The following DPP6 variants were observed in gnomAD, a reference collection of about 807,000 sequenced individuals.
The protein encoded by DPP6 is A-type potassium channel modulatory protein DPP6.
Under a neutral mutation model 122.6 loss-of-function variants are expected in DPP6, and 69 were observed. That is an observed-to-expected ratio of 0.56 (90% CI 0.46 to 0.69). DPP6 has a LOEUF of 0.69. DPP6 is among the 30% of genes least tolerant of loss of function. The probability of loss-of-function intolerance (pLI) is 0.00; values close to 1 mark genes in which losing one functional copy is unlikely to be tolerated. For missense variants in DPP6, 928 were observed against 1,116.9 expected (o/e 0.83, Z 2.41); for synonymous variants, 418 against 433.1 (o/e 0.97, Z 0.43).
chr7:154,530,851 A>G (rs1827787516), intron 3 of DPP6, among the ~76,000 whole-genome samples: 1 of 152,202 alleles, frequency 6.6e-6, no homozygotes, highest in African/African-American at 2.4e-5. Flanking sequence ...CTTCAGGGAC[A>G]TGGATGGAGC....
chr7:154,676,599 T>C (rs1213841208), intron 7 of DPP6, among the ~76,000 whole-genome samples: 1 of 152,196 alleles, frequency 6.6e-6, no homozygotes, highest in Non-Finnish European at 1.5e-5. Context: ...CCCACCTTAG[T>C]GATTGCTACA....
chr7:153,844,917 T>G, the DPP6 span, among the ~76,000 whole-genome samples: 2 of 152,140 alleles, frequency 1.3e-5, no homozygotes, highest in African/African-American at 2.4e-5. Flanking sequence ...GTAAATAAAT[T>G]TATGCATCCT....
At chr7:154,160,070 A>G (rs1796900960) in intron 1 of DPP6, among the ~76,000 whole-genome samples, 1 of 152,046 alleles carries the variant, frequency 6.6e-6, no homozygotes, top group Admixed American at 6.6e-5. Flanking sequence ...TGATCATACC[A>G]CTGCACTCCA....
chr7:153,871,835 T>C, the DPP6 span, among the ~76,000 whole-genome samples: 1 of 152,236 alleles, frequency 6.6e-6, no homozygotes, highest in Admixed American at 6.5e-5. Context: ...AGAGAGTCAT[T>C]ATTCCATGGT....
chr7:154,634,609 A>G (rs1391167275), intron 5 of DPP6, among the ~76,000 whole-genome samples: 1 of 151,972 alleles, frequency 6.6e-6, no homozygotes, highest in Non-Finnish European at 1.5e-5. Flanking sequence ...ACGAACAATT[A>G]AAAGCAGTTC....
chr7:154,224,588 G>T (rs191827326), intron 1 of DPP6, among the ~76,000 whole-genome samples: 1 of 149,412 alleles, frequency 6.7e-6, no homozygotes, highest in Non-Finnish European at 1.5e-5. Flanking sequence ...AAAGTTTGCT[G>T]TGTACATTAA....
chr7:154,222,962 G>A lies in DPP6; in HGVS notation c.243+169899G>A, dbSNP rs147457961. On this transcript the variant is annotated intron_variant, in intron 1 of 25. Transcript: ENST00000377770. The stretch of plus-strand genomic sequence containing the variant: ...CATGTAGGACCCTGACACCCCTTCC[G>A]TAAATGTAATTATTGTTAAAATGAT... 7.7e-3 allele frequency among the ~76,000 whole-genome samples: 1,149 copies of A among 149,076 alleles called. 25 individuals are homozygous for A. Among genetic ancestry groups the A allele is most frequent in the Non-Finnish European group, 0.013 (910 of 67,904 alleles).
chr7:154,854,412 C>T (rs949262389), intron 17 of DPP6, among the ~76,000 whole-genome samples: 4 of 152,154 alleles, frequency 2.6e-5, no homozygotes, highest in African/African-American at 7.2e-5. Context: ...GAAAGGGGTC[C>T]GTGGATGGAA....
intron 10 of DPP6, among the ~76,000 whole-genome samples, chr7:154,783,367 C>T (rs1223908110): frequency 6.6e-6 from 1 of 152,158 alleles, no homozygotes; most frequent in Non-Finnish European, 1.5e-5. Flanking sequence ...GGCAGCAGTG[C>T]CTTCTGAGTA....
chr7:154,868,143 G>C, intron 18 of DPP6, 50 bp downstream of exon 18: 1 of 1,551,756 alleles, frequency 6.4e-7, no homozygotes. Flanking sequence ...AGAAAACGTG[G>C]GCTGTGACAC....
intron 4 of DPP6, among the ~76,000 whole-genome samples, chr7:154,560,403 A>G (rs968782514): frequency 1.1e-4 from 17 of 152,232 alleles, no homozygotes; most frequent in Non-Finnish European, 2.2e-4. Flanking sequence ...AATAGTGGCA[A>G]TAATAAATCT....
At position 154,603,656 on chromosome 7, in the gene DPP6, CAAA is replaced by C. The variant is rs779501891; in HGVS notation, c.628-34140_628-34138del. On this transcript the variant is annotated intron_variant, in intron 5 of 25. Coordinates refer to ENST00000377770, the MANE Select transcript of DPP6 (RefSeq NM_130797.4). ...GGGTGACGAGAGTGAAACTCTGTCT[CAAA>C]AAAAAAAAAAAAAAAAAAAAAAAAT... Among the ~76,000 whole-genome samples the C allele has an allele frequency of 3.1e-3, 78 of 24,970 alleles. 4 individuals are homozygous for C. Among genetic ancestry groups the C allele is most frequent in the African/African-American group, 8.5e-3 (77 of 9,016 alleles). 16.4% of individuals were successfully genotyped at this position (24,970 alleles called of 152,430 possible). A position where few individuals can be genotyped will look rare whatever the true frequency, so the allele number is the denominator to read the frequency against.
chr7:154,517,498 G>C (rs1826617222), intron 3 of DPP6, among the ~76,000 whole-genome samples: 1 of 152,092 alleles, frequency 6.6e-6, no homozygotes, highest in African/African-American at 2.4e-5. Context: ...GGTTCATAAA[G>C]TCAGATACTT....
the DPP6 span, among the ~76,000 whole-genome samples, chr7:153,838,444 A>G: frequency 6.6e-6 from 1 of 152,104 alleles, no homozygotes; most frequent in East Asian, 1.9e-4. Flanking sequence ...CTGGATAATA[A>G]CTCTGCCCCT....
chr7:154,405,479 C>A (rs902547482), intron 1 of DPP6, among the ~76,000 whole-genome samples: 2 of 152,154 alleles, frequency 1.3e-5, no homozygotes, highest in Admixed American at 1.3e-4. Flanking sequence ...GCTTTCCCCC[C>A]CTTGTTTGTC....
intron 3 of DPP6, among the ~76,000 whole-genome samples, chr7:154,525,199 G>A (rs927094917): frequency 2.6e-5 from 4 of 152,122 alleles, no homozygotes; most frequent in South Asian, 2.1e-4. Context: ...GCTGGAGTGC[G>A]GTGGCACAAT....
intron 1 of DPP6, among the ~76,000 whole-genome samples, chr7:154,204,720 T>C (rs1380345832): frequency 2.0e-5 from 3 of 152,132 alleles, no homozygotes; most frequent in Admixed American, 2.0e-4. Flanking sequence ...ATTTATTCTG[T>C]AGGAGAGCTC....
chr7:154,883,346 TCATA>T (rs1283386338), intron 21 of DPP6, among the ~76,000 whole-genome samples: 94 of 121,074 alleles, frequency 7.8e-4, no homozygotes, highest in Admixed American at 2.2e-3. Flanking sequence ...ACACACACGC[TCATA>T]CACACACATG....
chr7:154,260,410 G>A (rs887459873), intron 1 of DPP6, among the ~76,000 whole-genome samples: 4 of 152,020 alleles, frequency 2.6e-5, no homozygotes, highest in Non-Finnish European at 5.9e-5. Context: ...AGTATACACT[G>A]CACTCAATTT....
Sources: gnomAD v4.1 joint callset for allele counts (sites outside exome capture counted in the v4.1 genomes callset) on GRCh38, gnomAD v4.1.1 for gene constraint, MANE v1.5 for transcripts, NCBI Gene and HGNC (gene_info 2026-07-23, HGNC 2026-07-21) for gene names.